TFB1M: variants seen among roughly 807,000 people sequenced by gnomAD.
The protein encoded by TFB1M is transcription factor B1, mitochondrial, also known as dimethyladenosine transferase 1, mitochondrial.
In TFB1M, 27 loss-of-function variants were observed where a neutral mutation model predicts 31.1. That is an observed-to-expected ratio of 0.87 (90% CI 0.64 to 1.20). TFB1M has a LOEUF of 1.20. Ranked by LOEUF, TFB1M falls within the 50% of genes most tolerant of loss-of-function variation. TFB1M has a pLI of 0.00. For synonymous variants in TFB1M, 166 were observed against 151.8 expected (o/e 1.09, Z -0.69); for missense variants, 394 against 418.7 (o/e 0.94, Z 0.51).
chr6:155,233,610 C>T, the TFB1M span, among the ~76,000 whole-genome samples: 3 of 152,168 alleles, frequency 2.0e-5, no homozygotes, highest in Non-Finnish European at 2.9e-5. Context: ...GAGTGGGATG[C>T]TCCTCATCTA....
chr6:155,251,445 C>T (rs896442727), downstream of TFB1M, among the ~76,000 whole-genome samples: 1 of 152,212 alleles, frequency 6.6e-6, no homozygotes, highest in East Asian at 1.9e-4. Context: ...CGCCACCACG[C>T]CCGGCTGATT....
intron 2 of TFB1M, among the ~76,000 whole-genome samples, chr6:155,309,189 A>G (rs1194199921): frequency 1.3e-5 from 2 of 152,246 alleles, no homozygotes; most frequent in Admixed American, 1.3e-4. Flanking sequence ...AATTAATATG[A>G]GAGATACATA....
At chr6:155,254,241 C>A, downstream of TFB1M, 1 of 1,023,080 alleles carries the variant, frequency 9.8e-7, no homozygotes, top group Non-Finnish European at 1.4e-6. Flanking sequence ...ATATCAAAAT[C>A]TTAAGAGTGA....
intron 5 of TFB1M, among the ~76,000 whole-genome samples, chr6:155,269,408 G>A (rs147597567): frequency 0.011 from 1,499 of 141,882 alleles, 29 homozygotes; most frequent in African/African-American, 0.037. Flanking sequence ...TGCAACTTCC[G>A]TCTGCTGGGT....
chr6:155,280,014 T>C (rs887925765), intron 5 of TFB1M, among the ~76,000 whole-genome samples: 14 of 152,050 alleles, frequency 9.2e-5, no homozygotes, highest in African/African-American at 3.4e-4. Flanking sequence ...ACTTATAAAA[T>C]TGCAGGTATA....
At chr6:155,303,865 T>G (rs1172330491) in intron 2 of TFB1M, among the ~76,000 whole-genome samples, 1 of 152,128 alleles carries the variant, frequency 6.6e-6, no homozygotes, top group Non-Finnish European at 1.5e-5. Flanking sequence ...ATGCTGCAGA[T>G]GAGAAAGTTG....
intron 4 of TFB1M, among the ~76,000 whole-genome samples, chr6:155,291,484 T>C (rs901727982): frequency 3.3e-5 from 5 of 152,288 alleles, no homozygotes; most frequent in African/African-American, 9.6e-5. Flanking sequence ...AGTGGTGATA[T>C]CATCTCAGGG....
chr6:155,262,727 AG>A (rs1784445884), intron 5 of TFB1M, among the ~76,000 whole-genome samples: 1 of 148,692 alleles, frequency 6.7e-6, no homozygotes, highest in Admixed American at 6.6e-5. Flanking sequence ...ACTCTCTTCC[AG>A]TACAGAAACT....
At chr6:155,277,493 A>T (rs189202779) in intron 5 of TFB1M, among the ~76,000 whole-genome samples, 112 of 151,700 alleles carry the variant, frequency 7.4e-4, no homozygotes, top group Middle Eastern at 3.4e-3. Flanking sequence ...GTAAAGGGGA[A>T]AAAAGATTAT....
downstream of TFB1M, among the ~76,000 whole-genome samples, chr6:155,252,447 C>T (rs1025132168): frequency 1.6e-4 from 25 of 152,068 alleles, no homozygotes; most frequent in Admixed American, 7.2e-4. Flanking sequence ...CCAGCCTGTG[C>T]GACAGAGTGA....
At chr6:155,239,272 T>C in the TFB1M span, among the ~76,000 whole-genome samples, 6 of 152,212 alleles carry the variant, frequency 3.9e-5, no homozygotes, top group African/African-American at 1.2e-4. Context: ...TGTTAATGGA[T>C]GCCAGTCATT....
At chr6:155,254,407 C>A (rs773621969), downstream of TFB1M, 7 of 1,609,896 alleles carry the variant, frequency 4.3e-6, no homozygotes, top group South Asian at 6.6e-5. Context: ...TTTTCTCTCC[C>A]CCCCCACCCA....
At chr6:155,271,225 A>T (rs936030615) in intron 5 of TFB1M, among the ~76,000 whole-genome samples, 1 of 152,218 alleles carries the variant, frequency 6.6e-6, no homozygotes, top group African/African-American at 2.4e-5. Flanking sequence ...TATAATGGCT[A>T]TGAATTTATA....
At chr6:155,249,372 C>T in the TFB1M span, among the ~76,000 whole-genome samples, 4 of 152,300 alleles carry the variant, frequency 2.6e-5, no homozygotes, top group African/African-American at 7.2e-5. Flanking sequence ...AAGCCAAACT[C>T]GAGAGCTGGT....
At chr6:155,275,985 TTCTG>T in intron 5 of TFB1M, 1 of 1,614,176 alleles carries the variant, frequency 6.2e-7, no homozygotes, top group Non-Finnish European at 8.5e-7. Flanking sequence ...CTGGCGTGTG[TTCTG>T]TCTGCTTTGG....
chr6:155,313,607 G>C (rs760639824), intron 1 of TFB1M, among the ~76,000 whole-genome samples: 3 of 152,142 alleles, frequency 2.0e-5, no homozygotes, highest in Non-Finnish European at 4.4e-5. Flanking sequence ...ATCAAATTGA[G>C]CACTTCAAAC....
At chr6:155,291,766 T>C (rs779513684) in intron 4 of TFB1M, among the ~76,000 whole-genome samples, 1 of 152,174 alleles carries the variant, frequency 6.6e-6, no homozygotes, top group Non-Finnish European at 1.5e-5. Flanking sequence ...CATTGCCAAA[T>C]GCCCCTGAGG....
chr6:155,307,572 T>C (rs1168392672), intron 2 of TFB1M, among the ~76,000 whole-genome samples: 1 of 152,146 alleles, frequency 6.6e-6, no homozygotes. Flanking sequence ...ACATGGGAAT[T>C]ACGGGAGCTA....
intron 4 of TFB1M, among the ~76,000 whole-genome samples, chr6:155,294,667 G>T (rs1014710384): frequency 6.6e-6 from 1 of 152,154 alleles, no homozygotes; most frequent in Non-Finnish European, 1.5e-5. Flanking sequence ...GTGAGTACTG[G>T]CAAGAATATG....
Sources: allele counts gnomAD v4.1 joint callset (sites outside exome capture counted in the v4.1 genomes callset), GRCh38; gene constraint gnomAD v4.1.1; transcripts MANE v1.5; gene names NCBI Gene and HGNC (gene_info 2026-07-23, HGNC 2026-07-21).